Variants in CTNND2 observed in about 807,000 individuals in gnomAD.
CTNND2 encodes catenin delta-2.
Under a neutral mutation model 144.4 loss-of-function variants are expected in CTNND2, and 22 were observed. The observed-to-expected ratio is 0.15, with a 90% CI of 0.11 to 0.22. The LOEUF (loss-of-function observed/expected upper bound fraction) is 0.22, where lower values mean the gene tolerates loss of function less well. Ranked by LOEUF, CTNND2 falls within the 10% of genes least tolerant of loss-of-function variation. The pLI is 1.00. For synonymous variants in CTNND2, 751 were observed against 695.6 expected (o/e 1.08, Z -1.25); for missense variants, 1,353 against 1,618.8 (o/e 0.84, Z 2.82).
At chr5:11,119,979 A>G (rs1467267487) in intron 12 of CTNND2, among the ~76,000 whole-genome samples, 2 of 152,176 alleles carry the variant, frequency 1.3e-5, no homozygotes, top group Non-Finnish European at 2.9e-5. Flanking sequence ...AATGCGCAGG[A>G]CCAACCAATA....
intron 2 of CTNND2, among the ~76,000 whole-genome samples, chr5:11,699,073 T>C (rs2126666523): frequency 6.6e-6 from 1 of 151,814 alleles, no homozygotes; most frequent in Non-Finnish European, 1.5e-5. Context: ...ATAGTTAGAT[T>C]TAATCTACTT....
At chr5:11,057,311 A>G (rs1746438330) in intron 16 of CTNND2, among the ~76,000 whole-genome samples, 1 of 152,198 alleles carries the variant, frequency 6.6e-6, no homozygotes, top group South Asian at 2.1e-4. Flanking sequence ...AACTCCCACA[A>G]TTCCCACGTG....
intron 18 of CTNND2, among the ~76,000 whole-genome samples, chr5:11,016,737 A>T (rs1741638635): frequency 6.6e-6 from 1 of 151,492 alleles, no homozygotes; most frequent in Non-Finnish European, 1.5e-5. Context: ...TGCCTATGCC[A>T]TTCTCCCCGC....
chr5:11,083,415 A>G (rs1380986696), intron 15 of CTNND2, among the ~76,000 whole-genome samples: 1 of 152,208 alleles, frequency 6.6e-6, no homozygotes, highest in African/African-American at 2.4e-5. Context: ...GCACATGGTA[A>G]AATGTTTTTT....
chr5:11,571,418 T>A (rs1413785430), intron 2 of CTNND2, among the ~76,000 whole-genome samples: 1 of 152,166 alleles, frequency 6.6e-6, no homozygotes, highest in East Asian at 1.9e-4. Context: ...CCTGCTCTTT[T>A]TCCGCAAAGC....
intron 3 of CTNND2, among the ~76,000 whole-genome samples, chr5:11,521,339 C>T (rs1424138031): frequency 1.3e-5 from 2 of 152,128 alleles, no homozygotes; most frequent in Non-Finnish European, 2.9e-5. Flanking sequence ...TATTCTTGGG[C>T]AAATTATTTA....
intron 1 of CTNND2, among the ~76,000 whole-genome samples, chr5:11,757,541 G>C (rs1258308270): frequency 1.3e-5 from 2 of 151,872 alleles, no homozygotes; most frequent in Admixed American, 1.3e-4. Flanking sequence ...CAGCCATCTT[G>C]TTCCCAACGC....
chr5:11,192,783 C>A (rs937438000), intron 11 of CTNND2, among the ~76,000 whole-genome samples: 1 of 152,182 alleles, frequency 6.6e-6, no homozygotes, highest in African/African-American at 2.4e-5. Context: ...AGGCCTGTAA[C>A]CTCCAGAACC....
intron 8 of CTNND2, among the ~76,000 whole-genome samples, chr5:11,350,137 A>C (rs1755178892): frequency 6.6e-6 from 1 of 152,200 alleles, no homozygotes; most frequent in African/African-American, 2.4e-5. Flanking sequence ...ACTCCATCTC[A>C]AAAGAAAAAA....
Position 11,385,071 on chromosome 5 carries a change from G to A in CTNND2, c.771C>T (p.Ser257=). Residue 257 remains serine (S), a synonymous_variant, in exon 7 of 22, where the codon TCC becomes TCT. Coordinates refer to ENST00000304623, the MANE Select transcript of CTNND2 (RefSeq NM_001332.4). ...AAAAALYYSS[S]TLPAPPRGGS... ...CCCCGCGCGGCGGCGCGGGCAGCGTGGAGCTGGAGTAGTAGAGCGCGGCGG... is the reference window on the plus strand; with the variant it reads ...CCCCGCGCGGCGGCGCGGGCAGCGTAGAGCTGGAGTAGTAGAGCGCGGCGG... 1.8e-6 allele frequency: 2 copies of A among 1,084,468 alleles called. No homozygotes were observed. Among genetic ancestry groups the A allele is most frequent in the African/African-American group, 3.4e-5 (2 of 58,984 alleles). 67.2% of individuals were successfully genotyped at this position (1,084,468 alleles called of 1,614,324 possible). A position where few individuals can be genotyped will look rare whatever the true frequency, so the allele number is the denominator to read the frequency against.
At chr5:11,705,164 G>C (rs148335538) in intron 2 of CTNND2, among the ~76,000 whole-genome samples, 18 of 152,294 alleles carry the variant, frequency 1.2e-4, no homozygotes, top group African/African-American at 4.3e-4. Flanking sequence ...CCAAATGCCT[G>C]AACAGGACAA....
At chr5:11,668,723 G>A (rs1001618351) in intron 2 of CTNND2, among the ~76,000 whole-genome samples, 20 of 152,152 alleles carry the variant, frequency 1.3e-4, no homozygotes, top group African/African-American at 4.8e-4. Context: ...GGGACAATAT[G>A]ACTTCCTCAT....
At chr5:11,150,275 T>A (rs528546411) in intron 12 of CTNND2, among the ~76,000 whole-genome samples, 8 of 152,024 alleles carry the variant, frequency 5.3e-5, no homozygotes, top group East Asian at 1.9e-4. Context: ...CCCCGCCTAC[T>A]CCTGCAGTGA....
At chr5:11,340,892 C>T (rs922814312) in intron 9 of CTNND2, among the ~76,000 whole-genome samples, 2 of 152,096 alleles carry the variant, frequency 1.3e-5, no homozygotes, top group African/African-American at 4.8e-5. Context: ...AATTAGATAA[C>T]GAATATAAAA....
At chr5:11,537,051 G>A (rs1047644581) in intron 3 of CTNND2, among the ~76,000 whole-genome samples, 13 of 145,506 alleles carry the variant, frequency 8.9e-5, no homozygotes, top group African/African-American at 1.5e-4. Context: ...GGAGGCAGCA[G>A]GTGGGGGGAA....
chr5:11,721,113 C>A (rs1786652179), intron 2 of CTNND2, among the ~76,000 whole-genome samples: 1 of 152,128 alleles, frequency 6.6e-6, no homozygotes, highest in African/African-American at 2.4e-5. Context: ...TGTATCCATA[C>A]AGTGGAATAT....
intron 9 of CTNND2, among the ~76,000 whole-genome samples, chr5:11,344,126 CG>C (rs1343741853): frequency 6.6e-6 from 1 of 152,144 alleles, no homozygotes; most frequent in Non-Finnish European, 1.5e-5. Context: ...AACATGTTGC[CG>C]GGCGCGGTGG....
chr5:11,811,041 A>G (rs1175430850), intron 1 of CTNND2, among the ~76,000 whole-genome samples: 1 of 152,196 alleles, frequency 6.6e-6, no homozygotes, highest in African/African-American at 2.4e-5. Context: ...AAATATTTGT[A>G]TTTATAAACC....
rs1277989762 is a variant in CTNND2 at position 10,972,420 on chromosome 5, A to ATT, written c.*1031_*1032dup. 6.6e-6 allele frequency: 1 copy of ATT among 152,250 alleles called. No individual in the cohort carries two copies. The allele number at this position is 152,250 out of a possible 1,614,324, so 9.4% of individuals were successfully genotyped here. On this transcript the variant is annotated 3_prime_UTR_variant, in exon 22 of 22. Transcript: ENST00000304623. ...GTCAAAATAAAATCTCACACAGGTA[A>ATT]TTTTTCTAGTACGTGGACATACATA...
Sources: allele counts gnomAD v4.1 joint callset (sites outside exome capture counted in the v4.1 genomes callset), GRCh38; gene constraint gnomAD v4.1.1; transcripts MANE v1.5; gene names NCBI Gene and HGNC (gene_info 2026-07-23, HGNC 2026-07-21).